Variants in LRRC4C observed in about 807,000 individuals in gnomAD.
LRRC4C encodes leucine-rich repeat-containing protein 4C.
A neutral mutation model predicts 33.6 loss-of-function variants in LRRC4C; 5 were observed. The ratio of observed to expected loss-of-function variants is 0.15; its 90% CI spans 0.08 to 0.31. LRRC4C has a LOEUF of 0.31. Ranked by LOEUF, LRRC4C falls within the 10% of genes least tolerant of loss-of-function variation. The pLI, the probability that LRRC4C is intolerant of heterozygous loss-of-function variation, is 1.00. For synonymous variants in LRRC4C, 329 were observed against 302.0 expected (o/e 1.09, Z -0.93); for missense variants, 560 against 796.7 (o/e 0.70, Z 3.58).
intron 1 of LRRC4C, among the ~76,000 whole-genome samples, chr11:41,119,567 T>C (rs1942318670): frequency 1.3e-5 from 2 of 152,216 alleles, no homozygotes; most frequent in Non-Finnish European, 1.5e-5. Context: ...ATGCCACTAA[T>C]GGCTCTTTCC....
chr11:41,413,487 T>C (rs2956782), intron 1 of LRRC4C, among the ~76,000 whole-genome samples: 71,495 of 151,990 alleles, frequency 0.47, 17,267 homozygotes, highest in South Asian at 0.6. Flanking sequence ...CAAAAGACAA[T>C]ACCAAGAAAA....
intron 6 of LRRC4C, among the ~76,000 whole-genome samples, chr11:40,131,657 T>C (rs917739087): frequency 6.6e-6 from 1 of 152,132 alleles, no homozygotes; most frequent in Non-Finnish European, 1.5e-5. Context: ...TGTTGTGATT[T>C]TGGACTCTAT....
chr11:41,035,158 C>T (rs1476561712), intron 1 of LRRC4C, among the ~76,000 whole-genome samples: 2 of 150,862 alleles, frequency 1.3e-5, no homozygotes, highest in African/African-American at 4.9e-5. Context: ...CCACTGCACT[C>T]CAGCCTGGGC....
chr11:40,255,955 A>C (rs1867171166), intron 4 of LRRC4C, among the ~76,000 whole-genome samples: 1 of 152,230 alleles, frequency 6.6e-6, no homozygotes, highest in African/African-American at 2.4e-5. Flanking sequence ...GCAAAGCTAC[A>C]AAGGCTCTAA....
chr11:41,328,285 C>A (rs1210258125), intron 1 of LRRC4C, among the ~76,000 whole-genome samples: 4 of 152,184 alleles, frequency 2.6e-5, no homozygotes, highest in Non-Finnish European at 5.9e-5. Context: ...GAGGAGTGCT[C>A]CCCCTCCCAA....
chr11:40,762,770 G>C (rs1488467670), intron 2 of LRRC4C, among the ~76,000 whole-genome samples: 3 of 151,842 alleles, frequency 2.0e-5, no homozygotes, highest in Non-Finnish European at 4.4e-5. Flanking sequence ...TTTTAGTCTA[G>C]TCCAGTCTCT....
intron 3 of LRRC4C, among the ~76,000 whole-genome samples, chr11:40,620,128 T>G (rs1962309141): frequency 1.3e-5 from 2 of 151,170 alleles, no homozygotes; most frequent in South Asian, 4.2e-4. Flanking sequence ...GTGGTCTTCA[T>G]GGCTGAGCTG....
intron 1 of LRRC4C, among the ~76,000 whole-genome samples, chr11:41,001,484 G>C (rs1424437248): frequency 1.3e-5 from 2 of 152,018 alleles, no homozygotes; most frequent in African/African-American, 4.8e-5. Context: ...AGAGAAACAT[G>C]ATAGAGTTCC....
At chr11:41,149,316 T>C (rs986827994) in intron 1 of LRRC4C, among the ~76,000 whole-genome samples, 1 of 151,504 alleles carries the variant, frequency 6.6e-6, no homozygotes, top group African/African-American at 2.4e-5. Context: ...CCATCCCGGC[T>C]AAAAAACGGT....
chr11:40,665,633 A>T (rs1278492760), intron 2 of LRRC4C, among the ~76,000 whole-genome samples: 1 of 151,746 alleles, frequency 6.6e-6, no homozygotes, highest in Admixed American at 6.6e-5. Context: ...CTGAAAAGAA[A>T]ACAGAACATA....
intron 3 of LRRC4C, among the ~76,000 whole-genome samples, chr11:40,527,988 C>T (rs1012781887): frequency 4.4e-4 from 67 of 152,022 alleles, no homozygotes; most frequent in African/African-American, 7.2e-4. Flanking sequence ...TCAAGTGATC[C>T]GCCTGCCCTG....
chr11:40,368,834 A>G (rs1948327760), intron 3 of LRRC4C, among the ~76,000 whole-genome samples: 1 of 152,170 alleles, frequency 6.6e-6, no homozygotes, highest in South Asian at 2.1e-4. Context: ...GTGTTCTATC[A>G]TGTAAAAATT....
chr11:41,319,275 A>G (rs1455998454), intron 1 of LRRC4C, among the ~76,000 whole-genome samples: 1 of 151,940 alleles, frequency 6.6e-6, no homozygotes, highest in Non-Finnish European at 1.5e-5. Context: ...TAGAAACCAT[A>G]CTTAATTAAA....
intron 4 of LRRC4C, among the ~76,000 whole-genome samples, chr11:40,268,149 G>A (rs1942424420): frequency 6.6e-6 from 1 of 152,172 alleles, no homozygotes; most frequent in African/African-American, 2.4e-5. Flanking sequence ...CAGAAGTGTG[G>A]TGGAGTTGTT....
chr11:40,307,718 G>A (rs980759434), intron 4 of LRRC4C, among the ~76,000 whole-genome samples: 5 of 152,028 alleles, frequency 3.3e-5, no homozygotes. Context: ...TATATTAGTT[G>A]CTCATTAAAT....
At chr11:40,938,179 C>T (rs1388048506) in intron 1 of LRRC4C, among the ~76,000 whole-genome samples, 4 of 152,142 alleles carry the variant, frequency 2.6e-5, no homozygotes, top group Admixed American at 6.6e-5. Flanking sequence ...AATGAACAGG[C>T]GCAGGTCTCC....
chr11:40,633,347 TTCTTTCTTTCTTTCTTTC>T (rs1963645298), intron 3 of LRRC4C, among the ~76,000 whole-genome samples: 1 of 43,336 alleles, frequency 2.3e-5, no homozygotes, highest in African/African-American at 9.8e-5. Context: ...CTTTCTTTCT[TTCTTTCTTTCTTTCTTTC>T]TTTCTTTCTC....
intron 2 of LRRC4C, among the ~76,000 whole-genome samples, chr11:40,733,130 G>C (rs1470338738): frequency 7.6e-6 from 1 of 132,264 alleles, no homozygotes; most frequent in Non-Finnish European, 1.6e-5. Flanking sequence ...GGCTGGAGTA[G>C]CGTGGCGAGA....
chr11:40,738,248 G>T (rs767571100), intron 2 of LRRC4C, among the ~76,000 whole-genome samples: 1 of 152,114 alleles, frequency 6.6e-6, no homozygotes, highest in Non-Finnish European at 1.5e-5. Flanking sequence ...TTAAAAGTAA[G>T]ACCTAGCTCC....
Sources: allele counts gnomAD v4.1 joint callset (sites outside exome capture counted in the v4.1 genomes callset), GRCh38; gene constraint gnomAD v4.1.1; transcripts MANE v1.5; gene names NCBI Gene and HGNC (gene_info 2026-07-23, HGNC 2026-07-21).